The following DIAPH3 variants were observed in gnomAD, a reference collection of about 807,000 sequenced individuals.
The protein encoded by DIAPH3 is protein diaphanous homolog 3.
Under a neutral mutation model 144.3 loss-of-function variants are expected in DIAPH3, and 117 were observed. That is an observed-to-expected ratio of 0.81 (90% CI 0.70 to 0.95). The LOEUF is 0.95. Among genes scored for constraint, DIAPH3 ranks in the 40% least tolerant of loss-of-function variants. The pLI, the probability that DIAPH3 is intolerant of heterozygous loss-of-function variation, is 0.00. For synonymous variants in DIAPH3, 519 were observed against 488.9 expected, an observed-to-expected ratio of 1.06 and a Z score of -0.81; for missense variants, 1,421 against 1,412.7, an observed-to-expected ratio of 1.01 and a Z score of -0.09.
At chr13:59,876,598 C>A (rs1000072635) in intron 21 of DIAPH3, among the ~76,000 whole-genome samples, 1 of 152,096 alleles carries the variant, frequency 6.6e-6, no homozygotes, top group Non-Finnish European at 1.5e-5. Flanking sequence ...TTCATTCATT[C>A]AACAGCTATT....
Position 59,911,725 on chromosome 13 carries a change from C to T in DIAPH3, c.2367+10G>A, listed in dbSNP as rs771032397. On this transcript the variant is annotated intron_variant, in intron 20 of 27. Transcript: ENST00000400324. ...CAGTATAAAAATCCTCTCTGAGACT[C>T]GGTACTTACCACAACCACAAACTGC... 26 of 1,605,088 alleles carry T rather than the reference C, an allele frequency of 1.6e-5. 1 individual carries two copies. In the East Asian group the frequency reaches 4.0e-4, roughly 25 times the overall value.
intron 22 of DIAPH3, among the ~76,000 whole-genome samples, chr13:59,845,002 T>G (rs956503056): frequency 5.9e-5 from 9 of 151,704 alleles, no homozygotes. Flanking sequence ...ACTTAACACC[T>G]TTTTTTCTTT....
At chr13:60,001,704 T>A (rs750813248) in intron 9 of DIAPH3, among the ~76,000 whole-genome samples, 3 of 152,232 alleles carry the variant, frequency 2.0e-5, no homozygotes, top group Non-Finnish European at 2.9e-5. Context: ...AAAAACACCA[T>A]GACTTGAACC....
At chr13:59,804,968 T>C (rs535094267) in intron 25 of DIAPH3, among the ~76,000 whole-genome samples, 1 of 152,290 alleles carries the variant, frequency 6.6e-6, no homozygotes, top group South Asian at 2.1e-4. Flanking sequence ...ATTGCTTAGT[T>C]ATTCTAAATT....
intron 21 of DIAPH3, among the ~76,000 whole-genome samples, chr13:59,868,412 A>G (rs2044056656): frequency 6.6e-6 from 1 of 152,108 alleles, no homozygotes; most frequent in Non-Finnish European, 1.5e-5. Context: ...TATATTTTAG[A>G]CTTTATATTT....
chr13:60,150,121 A>C (rs1951716394), intron 1 of DIAPH3, among the ~76,000 whole-genome samples: 1 of 152,112 alleles, frequency 6.6e-6, no homozygotes, highest in African/African-American at 2.4e-5. Context: ...TTCGAGGTTC[A>C]AGCAATCCTC....
rs1039054309 is a variant in DIAPH3 at position 60,088,699 on chromosome 13, G to A, written c.495+4929C>T. On this transcript the variant is annotated intron_variant, in intron 4 of 27. Transcript: ENST00000400324. ...TGCAGTGGCATGATCTCAGCTCACC[G>A]CAACCTCCACCTCCTGGGTTCAAGC... 3.0e-4 allele frequency among the ~76,000 whole-genome samples: 46 copies of A among 152,222 alleles called. No individual in the cohort carries two copies. In the Middle Eastern group the frequency reaches 0.014, roughly 45 times the overall value.
intron 24 of DIAPH3, among the ~76,000 whole-genome samples, chr13:59,813,732 T>C (rs1007727634): frequency 3.5e-4 from 53 of 151,996 alleles, no homozygotes; most frequent in African/African-American, 1.3e-3. Flanking sequence ...CACACACCTG[T>C]AGTCCTAGCT....
At chr13:59,739,183 G>A (rs7321128) in intron 27 of DIAPH3, among the ~76,000 whole-genome samples, 59,542 of 151,942 alleles carry the variant, frequency 0.39, 12,119 homozygotes, top group African/African-American at 0.5. Context: ...TTGAATTTGC[G>A]TTTTGTTAAG....
At chr13:59,797,868 T>C (rs1258910466) in intron 25 of DIAPH3, among the ~76,000 whole-genome samples, 1 of 152,216 alleles carries the variant, frequency 6.6e-6, no homozygotes, top group Non-Finnish European at 1.5e-5. Flanking sequence ...ACTTGCAAAG[T>C]TGTCTTTATT....
chr13:60,160,784 G>A (rs1017204381), intron 1 of DIAPH3, among the ~76,000 whole-genome samples: 3 of 152,106 alleles, frequency 2.0e-5, no homozygotes, highest in African/African-American at 4.8e-5. Context: ...AGACCAAGTT[G>A]GTTAATTCAC....
intron 27 of DIAPH3, among the ~76,000 whole-genome samples, chr13:59,729,192 A>G (rs763405456): frequency 6.6e-6 from 1 of 152,200 alleles, no homozygotes; most frequent in Non-Finnish European, 1.5e-5. Context: ...GGACTGGGTC[A>G]AAAAACCACA....
rs185122103 is a variant in DIAPH3 at position 60,120,558 on chromosome 13, T to A, written c.214-8372A>T. Among the ~76,000 whole-genome samples, 285 of 152,350 alleles carry A rather than the reference T, an allele frequency of 1.9e-3. 2 individuals carry two copies. Among genetic ancestry groups the A allele is most frequent in the African/African-American group, 6.3e-3 (262 of 41,586 alleles). On this transcript the variant is annotated intron_variant, in intron 2 of 27. Coordinates refer to ENST00000400324, the MANE Select transcript of DIAPH3 (RefSeq NM_001042517.2). ...ATCTACTTATAATATTTTGTCCACA[T>A]TTAGGTTTCACATAGTATTTTAATA...
At chr13:59,687,281 C>T (rs1238119195) in intron 27 of DIAPH3, among the ~76,000 whole-genome samples, 1 of 152,046 alleles carries the variant, frequency 6.6e-6, no homozygotes, top group African/African-American at 2.4e-5. Context: ...GTACTCCAGT[C>T]ACATCCAACA....
chr13:59,810,284 C>G (rs945241038), intron 25 of DIAPH3, among the ~76,000 whole-genome samples: 1 of 152,108 alleles, frequency 6.6e-6, no homozygotes, highest in Non-Finnish European at 1.5e-5. Flanking sequence ...CTCAACCTCC[C>G]GAGTAGCTGG....
chr13:60,136,701 A>C (rs921201523), intron 1 of DIAPH3, among the ~76,000 whole-genome samples: 4 of 151,836 alleles, frequency 2.6e-5, no homozygotes, highest in East Asian at 3.9e-4. Context: ...TTTGGGAGGC[A>C]GAGGCGGGCG....
intron 27 of DIAPH3, among the ~76,000 whole-genome samples, chr13:59,758,278 T>C (rs1198108264): frequency 6.6e-6 from 1 of 152,228 alleles, no homozygotes; most frequent in African/African-American, 2.4e-5. Flanking sequence ...TTATTTGTAA[T>C]GGTTCAAATC....
At chr13:59,979,612 GC>G (rs976637006) in intron 14 of DIAPH3, among the ~76,000 whole-genome samples, 1 of 151,508 alleles carries the variant, frequency 6.6e-6, no homozygotes, top group Non-Finnish European at 1.5e-5. Flanking sequence ...GAACCTTAAG[GC>G]CCCTTAGGAC....
chr13:60,001,573 A>T (rs2052531294), intron 9 of DIAPH3, among the ~76,000 whole-genome samples: 1 of 152,196 alleles, frequency 6.6e-6, no homozygotes, highest in Non-Finnish European at 1.5e-5. Flanking sequence ...TTAACTAATA[A>T]AGTTCCTATT....
Sources: gnomAD v4.1 joint callset for allele counts (sites outside exome capture counted in the v4.1 genomes callset) on GRCh38, gnomAD v4.1.1 for gene constraint, MANE v1.5 for transcripts, NCBI Gene and HGNC (gene_info 2026-07-23, HGNC 2026-07-21) for gene names.